PHF19: variants seen among roughly 807,000 people sequenced by gnomAD.
The protein encoded by PHF19 is polycomb like 3.
PHF19 carries 21 observed loss-of-function variants against 79.8 expected under a neutral mutation model. The observed-to-expected ratio is 0.26, with a 90% CI of 0.19 to 0.38. The LOEUF (loss-of-function observed/expected upper bound fraction) is 0.38. Among genes scored for constraint, PHF19 ranks in the 10% least tolerant of loss-of-function variants. PHF19 has a pLI of 1.00. For missense variants in PHF19, 445 were observed against 744.2 expected (o/e 0.60, Z 4.68); for synonymous variants, 273 against 296.3 (o/e 0.92, Z 0.81).
At chr9:120,877,957 C>G (rs1016666766), upstream of PHF19, among the ~76,000 whole-genome samples, 7 of 152,170 alleles carry the variant, frequency 4.6e-5, no homozygotes, top group Non-Finnish European at 8.8e-5. Context: ...CACATAAAGT[C>G]ACAACACAGA....
At chr9:120,865,913 G>A in intron 8 of PHF19, 83 bp from the exon 9 acceptor site, 1 of 1,602,880 alleles carries the variant, frequency 6.2e-7, no homozygotes, top group Non-Finnish European at 8.5e-7. Flanking sequence ...TCCAGGCTGA[G>A]AGACAGGGGC....
chr9:120,895,778 G>A (rs953186725), upstream of PHF19, among the ~76,000 whole-genome samples: 5 of 151,866 alleles, frequency 3.3e-5, no homozygotes, highest in African/African-American at 7.3e-5. Flanking sequence ...TCAGCCTCCC[G>A]AGTAGCTGGG....
chr9:120,871,484 T>G (rs2045892542), intron 3 of PHF19, among the ~76,000 whole-genome samples: 1 of 152,232 alleles, frequency 6.6e-6, no homozygotes, highest in South Asian at 2.1e-4. Context: ...GTTTCTTAAG[T>G]ACAAATACCT....
At chr9:120,879,157 T>C (rs2046142221), upstream of PHF19, among the ~76,000 whole-genome samples, 1 of 152,252 alleles carries the variant, frequency 6.6e-6, no homozygotes, top group African/African-American at 2.4e-5. Context: ...TTAGAGTTAA[T>C]GTATGCAAAG....
At chr9:120,892,967 T>A (rs780242413) in intron 1 of PHF19, among the ~76,000 whole-genome samples, 3 of 152,176 alleles carry the variant, frequency 2.0e-5, no homozygotes, top group Non-Finnish European at 2.9e-5. Flanking sequence ...AGCCCTGCCA[T>A]TTCCTAGCGA....
At chr9:120,859,528 G>A (rs188952878) in intron 14 of PHF19, among the ~76,000 whole-genome samples, 77 of 152,332 alleles carry the variant, frequency 5.1e-4, no homozygotes, top group East Asian at 3.9e-3. Context: ...CCGTACTGCT[G>A]AGGACCAGCT....
rs1474985640 is a variant in PHF19 at position 120,864,044 on chromosome 9, C to T, written c.968+5G>A. ...CACCACACTCCCTCCCCTCCCTGCA[C>T]GCACCGGCTTTTATAACTGTTCAGA... On this transcript the variant is annotated splice_donor_5th_base_variant and intron_variant, in intron 10 of 14. Coordinates refer to ENST00000373896, the MANE Select transcript of PHF19 (RefSeq NM_015651.3). 6.2e-7 allele frequency: 1 copy of T among 1,612,536 alleles called. No homozygotes were observed. The highest frequency in any genetic ancestry group is 2.2e-5 in the East Asian group (1 of 44,848).
chr9:120,891,192 C>T lies in PHF19; in HGVS notation c.42+3596G>A, dbSNP rs139877216. Reference sequence around the variant, plus strand: ...GCCCCAGAGCGCCTGGGTTTCTGCTCATCACAGTTAGTGTAAGGATCCATT... The same window carrying T: ...GCCCCAGAGCGCCTGGGTTTCTGCTTATCACAGTTAGTGTAAGGATCCATT... On this transcript the variant is annotated intron_variant, in intron 1 of 14. Transcript: ENST00000616568. This position sits in a 1 kb window ranked among gnomAD's most constrained non-coding sequence, Gnocchi z 4.3. Among the ~76,000 whole-genome samples the T allele has an allele frequency of 6.6e-6, 1 of 152,268 alleles. No homozygotes were observed. The highest frequency in any genetic ancestry group is 2.4e-5 in the African/African-American group (1 of 41,560).
At position 120,862,502 on chromosome 9, in the gene PHF19, G is replaced by T; in HGVS notation, c.1130+86C>A. ...TCTCAGGGTCCTACAGCTGGGACTG[G>T]CTGGGTGCAGGTCCTCCTTGCTTGC... On this transcript the variant is annotated intron_variant, in intron 11 of 14. Transcript: ENST00000373896. This position sits in a 1 kb window ranked among gnomAD's most constrained non-coding sequence, Gnocchi z 4.6. 8.3e-7 allele frequency: 1 copy of T among 1,198,990 alleles called. No individual in the cohort carries two copies. The highest frequency in any genetic ancestry group is 1.2e-6 in the Non-Finnish European group (1 of 818,950). 74.3% of individuals were successfully genotyped at this position (1,198,990 alleles called of 1,614,324 possible). A position where few individuals can be genotyped will look rare whatever the true frequency, so the allele number is the denominator to read the frequency against.
chr9:120,872,065 A>G (rs1481256017), intron 3 of PHF19, among the ~76,000 whole-genome samples: 1 of 150,020 alleles, frequency 6.7e-6, no homozygotes, highest in African/African-American at 2.5e-5. Context: ...AAAAAAAAAA[A>G]AAAGAAATGG....
At chr9:120,873,046 C>T (rs979047813) in intron 3 of PHF19, among the ~76,000 whole-genome samples, 4 of 152,232 alleles carry the variant, frequency 2.6e-5, no homozygotes, top group Non-Finnish European at 2.9e-5. Flanking sequence ...TATCACCTCT[C>T]ACATGAAGAA....
chr9:120,893,892 G>C (rs1028398890), intron 1 of PHF19, among the ~76,000 whole-genome samples: 1 of 152,208 alleles, frequency 6.6e-6, no homozygotes, highest in Non-Finnish European at 1.5e-5. Flanking sequence ...GCATAGGGCA[G>C]TGGTTCTCAA....
intron 10 of PHF19, chr9:120,863,140 T>G (rs1388719394): frequency 1.0e-5 from 2 of 193,918 alleles, no homozygotes; most frequent in Non-Finnish European, 2.2e-5. Flanking sequence ...CAACACCGGC[T>G]GGGCTCCTCT....
At chr9:120,876,744 G>A (rs1489807160) in intron 1 of PHF19, among the ~76,000 whole-genome samples, 1 of 152,190 alleles carries the variant, frequency 6.6e-6, no homozygotes, top group Non-Finnish European at 1.5e-5. Context: ...TCGCTCGGAC[G>A]CCAAGCCTCC....
At chr9:120,858,528 A>T (rs1388719090) in intron 14 of PHF19, among the ~76,000 whole-genome samples, 2 of 152,172 alleles carry the variant, frequency 1.3e-5, no homozygotes, top group African/African-American at 2.4e-5. Context: ...GAGGAGGGAA[A>T]CTGAGGGTCC....
At chr9:120,879,358 T>A (rs1214958263), upstream of PHF19, among the ~76,000 whole-genome samples, 1 of 152,190 alleles carries the variant, frequency 6.6e-6, no homozygotes, top group African/African-American at 2.4e-5. Flanking sequence ...GAGGCGGTGT[T>A]GATGCATAGA....
At chr9:120,895,923 G>T (rs997551111), upstream of PHF19, among the ~76,000 whole-genome samples, 2 of 152,204 alleles carry the variant, frequency 1.3e-5, no homozygotes, top group Non-Finnish European at 2.9e-5. Flanking sequence ...AAAGTGCTGG[G>T]ATTACAGATG....
In PHF19 at chr9:120,870,909, G is replaced by C. The variant is rs1230413755; in HGVS notation, c.269-371C>G. On this transcript the variant is annotated intron_variant, in intron 3 of 14. Transcript: ENST00000373896. The surrounding 1 kb of genome is among the most constrained non-coding windows in gnomAD (Gnocchi z 4.4). ...ACTTTATTATGGGATAATATAATTT[G>C]TTTGTTTGTTTTGTTGAGATGGAGT... Among the ~76,000 whole-genome samples, 1 of 152,112 alleles carries C rather than the reference G, an allele frequency of 6.6e-6. No homozygotes were observed. Among genetic ancestry groups the C allele is most frequent in the Admixed American group, 6.5e-5 (1 of 15,268 alleles).
At position 120,870,485 on chromosome 9, in the gene PHF19, C is replaced by A. The variant is rs1423688506; in HGVS notation, c.322G>T (p.Gly108Trp). Residue 108 changes from glycine (G) to tryptophan (W), a missense_variant, in exon 4 of 15, where the codon GGG becomes TGG. By Grantham distance (184) the Gly-to-Trp change is radical. Around this residue, in one of 5 missense-constraint regions of PHF19, gnomAD observed 167 missense variants for 375.8 expected, o/e 0.44. Transcript: ENST00000373896. This position sits in a 1 kb window ranked among gnomAD's most constrained non-coding sequence, Gnocchi z 4.4. ...CAGATGAGGATCTCATTCAGCGGCCCTGATGTCTTCCCTAGGCAGATGTTG... is the reference window on the plus strand; with the variant it reads ...CAGATGAGGATCTCATTCAGCGGCCATGATGTCTTCCCTAGGCAGATGTTG... ...KCNICLGKTS[G>W]PLNEILICGK... The A allele has an allele frequency of 1.2e-6, 2 of 1,613,736 alleles. No homozygotes were observed. Among genetic ancestry groups the A allele is most frequent in the Admixed American group, 3.3e-5 (2 of 60,024 alleles).
Sources: gnomAD v4.1 joint callset for allele counts (sites outside exome capture counted in the v4.1 genomes callset) on GRCh38, gnomAD v4.1.1 for gene constraint, gnomAD v4.1.1 regional missense constraint, Gnocchi (gnomAD v3.1) non-coding constraint, MANE v1.5 for transcripts, NCBI Gene and HGNC (gene_info 2026-07-23, HGNC 2026-07-21) for gene names.